Variants in KCTD21 observed in about 807,000 individuals in gnomAD.
KCTD21 encodes the protein BTB/POZ domain-containing protein KCTD21.
A neutral mutation model predicts 13.2 loss-of-function variants in KCTD21; 9 were observed. The observed-to-expected ratio is 0.68, with a 90% CI of 0.41 to 1.19. KCTD21 has a LOEUF of 1.19. Ranked by LOEUF, KCTD21 falls within the 50% of genes most tolerant of loss-of-function variation. The pLI is 0.01. For missense variants in KCTD21, 303 were observed against 336.5 expected (o/e 0.90, Z 0.78); for synonymous variants, 142 against 137.4 (o/e 1.03, Z -0.23).
At chr11:78,176,082 T>G (rs1862444025) in intron 1 of KCTD21, among the ~76,000 whole-genome samples, 1 of 152,234 alleles carries the variant, frequency 6.6e-6, no homozygotes, top group Non-Finnish European at 1.5e-5. Flanking sequence ...TTTTTATGGC[T>G]GCATAGTATT....
At position 78,186,402 on chromosome 11, in the gene KCTD21, A is replaced by AAAAAAAC. The variant is rs71046958; in HGVS notation, c.-30+2170_-30+2171insGTTTTTT. Among the ~76,000 whole-genome samples, 126 of 132,080 alleles carry AAAAAAAC rather than the reference A, an allele frequency of 9.5e-4. 6 individuals are homozygous for AAAAAAAC. Among genetic ancestry groups the AAAAAAAC allele is most frequent in the Non-Finnish European group, 1.8e-3 (104 of 59,104 alleles). 86.6% of individuals were successfully genotyped at this position (132,080 alleles called of 152,430 possible). On this transcript the variant is annotated intron_variant, in intron 1 of 1. Coordinates refer to ENST00000340067, the MANE Select transcript of KCTD21 (RefSeq NM_001029859.3). ...AAAAAAAAAAAAAAAAAAAAAAAAA[A>AAAAAAAC]AAAAAGAAAAGAACTGGAGAGGCTG...
chr11:78,180,793 C>A lies in KCTD21; in HGVS notation c.-29-6210G>T, dbSNP rs188712650. Among the ~76,000 whole-genome samples, 25 of 152,194 alleles carry A rather than the reference C, an allele frequency of 1.6e-4. No individual in the cohort carries two copies. The East Asian group carries it at 4.4e-3, about 27-fold the overall frequency. ...TATGGTATGGTTTGGCTCTGTGTCCCCACCCAAATCTCACCTTGAATTGTA... is the reference window on the plus strand; with the variant it reads ...TATGGTATGGTTTGGCTCTGTGTCCACACCCAAATCTCACCTTGAATTGTA... On this transcript the variant is annotated intron_variant, in intron 1 of 1. Transcript: ENST00000340067.
chr11:78,178,671 C>G (rs1038045227), intron 1 of KCTD21, among the ~76,000 whole-genome samples: 2 of 152,118 alleles, frequency 1.3e-5, no homozygotes, highest in African/African-American at 4.8e-5. Context: ...AGACAAGGAA[C>G]TTAAGGCCAA....
intron 1 of KCTD21, chr11:78,187,938 C>T: frequency 1.0e-6 from 1 of 985,266 alleles, no homozygotes; most frequent in South Asian, 4.7e-5. Context: ...CCTCACCTGT[C>T]AACCGCTATA....
In KCTD21 at chr11:78,180,503, C is replaced by G. The variant is rs1167105536; in HGVS notation, c.-29-5920G>C. ...TGGTGAAACCCTATCTCTACTTAAACAAAAACAAAAACAAAACAACTAGAC... is the reference window on the plus strand; with the variant it reads ...TGGTGAAACCCTATCTCTACTTAAAGAAAAACAAAAACAAAACAACTAGAC... On this transcript the variant is annotated intron_variant, in intron 1 of 1. Coordinates refer to ENST00000340067, the MANE Select transcript of KCTD21 (RefSeq NM_001029859.3). Among the ~76,000 whole-genome samples the G allele has an allele frequency of 4.6e-5, 7 of 152,046 alleles. No individual in the cohort carries two copies. The East Asian group carries it at 9.6e-4, about 21-fold the overall frequency.
At chr11:78,181,713 A>AG (rs1862625893) in intron 1 of KCTD21, among the ~76,000 whole-genome samples, 2 of 152,138 alleles carry the variant, frequency 1.3e-5, no homozygotes, top group South Asian at 4.1e-4. Flanking sequence ...TGAGAGGCCG[A>AG]GGCAGGAGGG....
At chr11:78,188,256 G>A in intron 1 of KCTD21, 1 of 972,328 alleles carries the variant, frequency 1.0e-6, no homozygotes, top group Non-Finnish European at 1.2e-6. Flanking sequence ...CCCACCTAGA[G>A]ATCCCGCCTC....
Position 78,188,565 on chromosome 11 carries a change from G to A in KCTD21, c.-30+8C>T, listed in dbSNP as rs1343813807. On this transcript the variant is annotated splice_region_variant and intron_variant, in intron 1 of 1. Coordinates refer to ENST00000340067, the MANE Select transcript of KCTD21 (RefSeq NM_001029859.3). ...CGAGCCCCGCGACCCCGGCCGTGCC[G>A]CACCCACCTCCTGCCCTCGCTCTGC... 8 of 985,718 alleles carry A rather than the reference G, an allele frequency of 8.1e-6. No homozygotes were observed. The highest frequency in any genetic ancestry group is 9.6e-6 in the Non-Finnish European group (8 of 830,188). 61.1% of individuals were successfully genotyped at this position (985,718 alleles called of 1,614,324 possible). A position where few individuals can be genotyped will look rare whatever the true frequency, so the allele number is the denominator to read the frequency against.
At position 78,173,606 on chromosome 11, in the gene KCTD21, C is replaced by T. The variant is rs1862347863; in HGVS notation, c.*166G>A. 2 of 674,854 alleles carry T rather than the reference C, an allele frequency of 3.0e-6. No homozygotes were observed. Among genetic ancestry groups the T allele is most frequent in the Admixed American group, 2.6e-5 (1 of 38,068 alleles). 41.8% of individuals were successfully genotyped at this position (674,854 alleles called of 1,614,324 possible). A position where few individuals can be genotyped will look rare whatever the true frequency, so the allele number is the denominator to read the frequency against. On this transcript the variant is annotated 3_prime_UTR_variant, in exon 2 of 2. Coordinates refer to ENST00000340067, the MANE Select transcript of KCTD21 (RefSeq NM_001029859.3). The stretch of plus-strand genomic sequence containing the variant: ...AAAAGGTGGTTCTGTTCAGAGGACA[C>T]TGGATTCCAAAAGGTGGACTTCATC...
In KCTD21 at chr11:78,174,117, G is replaced by C; in HGVS notation, c.438C>G (p.Ala146=). 1.2e-6 allele frequency: 2 copies of C among 1,614,136 alleles called. No homozygotes were observed. Among genetic ancestry groups the C allele is most frequent in the East Asian group, 2.2e-5 (1 of 44,884 alleles). ...AGAGGCAGGAGGTGCTGAAGATGTT[G>C]GCGTTGAAGACCTCCATGCTGGAAG... ...LSSSSMEVFN[A]NIFSTSCLFL... Residue 146 remains alanine, a synonymous_variant, in exon 2 of 2, where the codon GCC becomes GCG. Coordinates refer to ENST00000340067, the MANE Select transcript of KCTD21 (RefSeq NM_001029859.3).
intron 1 of KCTD21, chr11:78,188,119 G>A (rs1862854681): frequency 1.0e-6 from 1 of 985,410 alleles, no homozygotes; most frequent in South Asian, 4.7e-5. Context: ...CCAGAGCGGG[G>A]CAAGTTCCCT....
chr11:78,187,934 C>T, intron 1 of KCTD21: 1 of 985,240 alleles, frequency 1.0e-6, no homozygotes, highest in African/African-American at 1.7e-5. Context: ...CATTCCTCAC[C>T]TGTCAACCGC....
At chr11:78,188,316 T>A in intron 1 of KCTD21, 2 of 983,452 alleles carry the variant, frequency 2.0e-6, no homozygotes, top group Non-Finnish European at 2.4e-6. Flanking sequence ...ACCCTCATTA[T>A]CCGGGCTTTT....
In KCTD21 at chr11:78,174,461, T is replaced by C. The variant is rs147702805; in HGVS notation, c.94A>G (p.Met32Val). ...TSFPDSMLGA[M>V]FSGKMPTKRD... ...TTGGTGGGCATCTTCCCGCTGAACA[T>C]GGCGCCTAGCATGGAGTCAGGGAAG... Residue 32 changes from methionine (M) to valine (V), a missense_variant, in exon 2 of 2, where the codon ATG (methionine) becomes GTG (valine). Physicochemically the swap from Met to Val is conservative, Grantham distance 21. Coordinates refer to ENST00000340067, the MANE Select transcript of KCTD21 (RefSeq NM_001029859.3). 2.2e-5 allele frequency: 35 copies of C among 1,614,054 alleles called. No homozygotes were observed. The African/African-American group carries it at 3.5e-4, about 16-fold the overall frequency.
intron 1 of KCTD21, chr11:78,187,647 C>T (rs1565389259): frequency 4.1e-6 from 4 of 985,428 alleles, no homozygotes; most frequent in Admixed American, 1.2e-4. Context: ...CCTATGTCTC[C>T]TCCAAACAGT....
At position 78,174,239 on chromosome 11, in the gene KCTD21, C is replaced by A; in HGVS notation, c.316G>T (p.Ala106Ser). The A allele has an allele frequency of 6.2e-7, 1 of 1,614,026 alleles. No individual in the cohort carries two copies. Among genetic ancestry groups the A allele is most frequent in the Middle Eastern group, 1.6e-4 (1 of 6,062 alleles). ...LQEKEVELSK[A>S]EKNAMLNITL... The stretch of plus-strand genomic sequence containing the variant: ...ATGTTGAGCATGGCATTCTTCTCGG[C>A]CTTGGAGAGCTCCACTTCCTTCTCC... The change falls in exon 2 of 2, where the codon GCC (alanine) becomes TCC (serine). Residue 106 changes from alanine (A) to serine (S), a missense_variant. Physicochemically the swap from Ala to Ser is moderately conservative, Grantham distance 99. Transcript: ENST00000340067.
intron 1 of KCTD21, chr11:78,187,116 A>T: frequency 1.0e-6 from 1 of 985,428 alleles, no homozygotes; most frequent in South Asian, 4.7e-5. Context: ...TGCGTAAGGG[A>T]ATGGACAGCA....
rs1240007115 is a variant in KCTD21 at position 78,174,201 on chromosome 11, C to G, written c.354G>C (p.Gln118His). ...CAGTGAAGTGGACCGTCTGCACACG[C>G]TGGTTCAGTGTGATGTTGAGCATGG... Reference protein sequence around the residue: ...KNAMLNITLNQRVQTVHFTVR... With the variant: ...KNAMLNITLNHRVQTVHFTVR... The change falls in exon 2 of 2, where the codon CAG (glutamine) becomes CAC (histidine). Residue 118 changes from glutamine (Q) to histidine (H), a missense_variant. Physicochemically the swap from Gln to His is conservative, Grantham distance 24. Transcript: ENST00000340067. 1 of 1,613,956 alleles carries G rather than the reference C, an allele frequency of 6.2e-7. No individual in the cohort carries two copies. Among genetic ancestry groups the G allele is most frequent in the Non-Finnish European group, 8.5e-7 (1 of 1,180,018 alleles).
At chr11:78,187,487 C>T in intron 1 of KCTD21, 1 of 985,392 alleles carries the variant, frequency 1.0e-6, no homozygotes, top group Non-Finnish European at 1.2e-6. Context: ...TCTGGCACGG[C>T]AAGGTATTCT....
Sources: gnomAD v4.1 joint callset for allele counts (sites outside exome capture counted in the v4.1 genomes callset) on GRCh38, gnomAD v4.1.1 for gene constraint, MANE v1.5 for transcripts, NCBI Gene and HGNC (gene_info 2026-07-23, HGNC 2026-07-21) for gene names.